ZNF684: variants seen among roughly 807,000 people sequenced by gnomAD.
The protein encoded by ZNF684 is hypothetical protein MGC27466.
ZNF684 carries 13 observed loss-of-function variants against 12.8 expected under a neutral mutation model. The ratio of observed to expected loss-of-function variants is 1.02; its 90% CI spans 0.66 to 1.62. The LOEUF (loss-of-function observed/expected upper bound fraction) is 1.62. ZNF684 is among the 40% of genes most tolerant of loss of function. The pLI is 0.00. For missense variants in ZNF684, 384 were observed against 446.9 expected, an observed-to-expected ratio of 0.86 and a Z score of 1.27; for synonymous variants, 118 against 151.8, an observed-to-expected ratio of 0.78 and a Z score of 1.64.
intron 2 of ZNF684, among the ~76,000 whole-genome samples, chr1:40,538,000 C>T (rs1645994316): frequency 6.6e-6 from 1 of 152,052 alleles, no homozygotes; most frequent in Non-Finnish European, 1.5e-5. Context: ...GCTTCTTTCA[C>T]CCAATACAAT....
At chr1:40,543,863 G>T (rs1436181279) in intron 4 of ZNF684, among the ~76,000 whole-genome samples, 1 of 151,940 alleles carries the variant, frequency 6.6e-6, no homozygotes, top group Non-Finnish European at 1.5e-5. Context: ...TGTAACTCCA[G>T]TCTAAATTAA....
rs546653457 is a variant in ZNF684, at chr1:40,536,541, T to C, written c.15+3360T>C. 1.7e-3 allele frequency among the ~76,000 whole-genome samples: 261 copies of C among 151,334 alleles called. 1 individual carries two copies. The highest frequency in any genetic ancestry group is 6.2e-3 in the African/African-American group (257 of 41,252). ...TTTTTTTTTTTTTATACTTTAAGTT[T>C]TAGGGTACATGTGCACAATGTGCAG... On this transcript the variant is annotated intron_variant, in intron 2 of 4. Coordinates refer to ENST00000372699, the MANE Select transcript of ZNF684 (RefSeq NM_152373.4).
At chr1:40,534,801 T>C (rs1388431340) in intron 2 of ZNF684, among the ~76,000 whole-genome samples, 1 of 151,532 alleles carries the variant, frequency 6.6e-6, no homozygotes, top group Non-Finnish European at 1.5e-5. Flanking sequence ...AAGACCAGCC[T>C]GGGCAATATA....
intron 4 of ZNF684, among the ~76,000 whole-genome samples, chr1:40,542,133 T>A (rs142583926): frequency 6.6e-6 from 1 of 152,356 alleles, no homozygotes; most frequent in East Asian, 1.9e-4. Context: ...GATTATTTTG[T>A]AGCATAATTT....
At chr1:40,543,123 CT>C (rs2124511196) in intron 4 of ZNF684, among the ~76,000 whole-genome samples, 1 of 152,272 alleles carries the variant, frequency 6.6e-6, no homozygotes, top group African/African-American at 2.4e-5. Context: ...CCTGCCTCAG[CT>C]TCCCAAGCAG....
intron 4 of ZNF684, chr1:40,544,583 C>A: frequency 5.1e-6 from 1 of 197,972 alleles, no homozygotes; most frequent in Non-Finnish European, 1.1e-5. Flanking sequence ...ATCTCTTGAC[C>A]TTGTGAGCCA....
intron 2 of ZNF684, among the ~76,000 whole-genome samples, chr1:40,539,973 G>A (rs1646005913): frequency 6.6e-6 from 1 of 151,226 alleles, no homozygotes; most frequent in Non-Finnish European, 1.5e-5. Flanking sequence ...CCCTATTGTT[G>A]AATTTTAAGA....
intron 4 of ZNF684, chr1:40,544,410 C>T (rs549643752): frequency 1.4e-4 from 60 of 422,412 alleles, no homozygotes; most frequent in African/African-American, 6.5e-4. Flanking sequence ...CTCGCTCTGT[C>T]GCCAGGCTGG....
chr1:40,531,663 A>G lies in ZNF684; in HGVS notation c.-149A>G, dbSNP rs754846208. The G allele has an allele frequency of 2.6e-5, 4 of 152,240 alleles. No homozygotes were observed. Among genetic ancestry groups the G allele is most frequent in the Admixed American group, 1.3e-4 (2 of 15,282 alleles). The allele number at this position is 152,240 out of a possible 1,614,324, so 9.4% of individuals were successfully genotyped here. ...CACGCGTAGTAGGACGGTAGCCGGT[A>G]TTCAATCTTCAAATCAGCGCCGCGG... On this transcript the variant is annotated 5_prime_UTR_variant, in exon 1 of 5. Coordinates refer to ENST00000372699, the MANE Select transcript of ZNF684 (RefSeq NM_152373.4).
In ZNF684 at chr1:40,540,588, A is replaced by G; in HGVS notation, c.18A>G (p.Glu6=). Residue 6 remains glutamate, a splice_region_variant and synonymous_variant, in exon 3 of 5, where the codon GAA becomes GAG. Coordinates refer to ENST00000372699, the MANE Select transcript of ZNF684 (RefSeq NM_152373.4). ...TGAAGATAAATGTGCTGTTACAGGAATCAGTGACATTCCAGGATGTGGCTG... is the reference window on the plus strand; with the variant it reads ...TGAAGATAAATGTGCTGTTACAGGAGTCAGTGACATTCCAGGATGTGGCTG... MISFQ[E]SVTFQDVAVD... The G allele has an allele frequency of 3.1e-6, 5 of 1,597,084 alleles. No individual in the cohort carries two copies. Among genetic ancestry groups the G allele is most frequent in the Non-Finnish European group, 4.3e-6 (5 of 1,172,626 alleles).
chr1:40,546,964 C>T lies in ZNF684; in HGVS notation c.641C>T (p.Pro214Leu). 6.2e-7 allele frequency: 1 copy of T among 1,614,002 alleles called. No individual in the cohort carries two copies. Among genetic ancestry groups the T allele is most frequent in the Non-Finnish European group, 8.5e-7 (1 of 1,179,988 alleles). Residue 214 changes from proline to leucine, a missense_variant, in exon 5 of 5, where the codon CCC becomes CTC. Coordinates refer to ENST00000372699, the MANE Select transcript of ZNF684 (RefSeq NM_152373.4). Reference protein sequence around the residue: ...THQKIHNGERPFVCNDCGKAF... With the variant: ...THQKIHNGERLFVCNDCGKAF... Reference sequence around the variant, plus strand: ...CAGAAAATTCATAATGGAGAGAGACCCTTTGTGTGCAATGATTGTGGGAAG... The same window carrying T: ...CAGAAAATTCATAATGGAGAGAGACTCTTTGTGTGCAATGATTGTGGGAAG...
At chr1:40,544,310 T>C (rs531731421) in intron 4 of ZNF684, 1 of 324,812 alleles carries the variant, frequency 3.1e-6, no homozygotes, top group South Asian at 2.3e-5. Context: ...TTTTCCCTGG[T>C]GGTTTAGTGG....
chr1:40,546,998 G>A lies in ZNF684; in HGVS notation c.675G>A (p.Met225Ile). The A allele has an allele frequency of 6.2e-7, 1 of 1,614,110 alleles. No homozygotes were observed. Residue 225 changes from methionine (M) to isoleucine (I), a missense_variant, in exon 5 of 5, where the codon ATG becomes ATA. Transcript: ENST00000372699. ...GCAATGATTGTGGGAAGGCGTTTAT[G>A]CATAAAGCCCAACTCGTGGTCCACC... ...FVCNDCGKAFMHKAQLVVHQR... is the reference protein window; with the variant it reads ...FVCNDCGKAFIHKAQLVVHQR...
At position 40,541,640 on chromosome 1, in the gene ZNF684, G is replaced by A; in HGVS notation, c.168G>A (p.Val56=). 3.1e-6 allele frequency: 5 copies of A among 1,613,278 alleles called. No individual in the cohort carries two copies. Among genetic ancestry groups the A allele is most frequent in the Non-Finnish European group, 4.2e-6 (5 of 1,179,584 alleles). ...GATGTCCAATTACCAAAACAAAAGT[G>A]ATCCTCAAGGTAGAGCAAGGACAAG... ...SVGCPITKTK[V]ILKVEQGQEP... The change falls in exon 4 of 5, where the codon GTG becomes GTA. Residue 56 remains valine, a synonymous_variant. Coordinates refer to ENST00000372699, the MANE Select transcript of ZNF684 (RefSeq NM_152373.4).
In ZNF684 at chr1:40,540,648, T is replaced by C. The variant is rs1646009476; in HGVS notation, c.78T>C (p.Asp26=). 1 of 1,612,696 alleles carries C rather than the reference T, an allele frequency of 6.2e-7. No homozygotes were observed. Among genetic ancestry groups the C allele is most frequent in the African/African-American group, 1.3e-5 (1 of 74,790 alleles). ...CTGCAGAGGAGTGGCAGCTGCTTGATTGTGCTGAGAGAACCCTGTATTGGG... is the reference window on the plus strand; with the variant it reads ...CTGCAGAGGAGTGGCAGCTGCTTGACTGTGCTGAGAGAACCCTGTATTGGG... The part of the protein sequence containing the change: ...DFTAEEWQLL[D]CAERTLYWDV... Residue 26 remains aspartate, a synonymous_variant, in exon 3 of 5, where the codon GAT becomes GAC. Coordinates refer to ENST00000372699, the MANE Select transcript of ZNF684 (RefSeq NM_152373.4).
rs1425631879 is a variant in ZNF684, at chr1:40,536,165, G to A, written c.15+2984G>A. 3.3e-5 allele frequency among the ~76,000 whole-genome samples: 5 copies of A among 151,932 alleles called. No homozygotes were observed. The South Asian group carries it at 8.3e-4, about 25-fold the overall frequency. On this transcript the variant is annotated intron_variant, in intron 2 of 4. Transcript: ENST00000372699. ...TCCCAGCACTTTGGGAGGCTGAGGC[G>A]GGCAGATCACGAGGTCAGGAGATCG... is the stretch of plus-strand genomic sequence containing the variant.
intron 2 of ZNF684, 120 bp from the exon 3 acceptor site, chr1:40,540,466 A>G (rs1646008075): frequency 3.7e-6 from 4 of 1,089,540 alleles, no homozygotes; most frequent in Non-Finnish European, 1.3e-6. Context: ...TGTAATCATT[A>G]TAACTGATTT....
chr1:40,544,430 G>A, intron 4 of ZNF684: 1 of 418,688 alleles, frequency 2.4e-6, no homozygotes, highest in Non-Finnish European at 4.8e-6. Flanking sequence ...GAGTGCAGTG[G>A]CGCAATCTCA....
At position 40,541,005 on chromosome 1, in the gene ZNF684, T is replaced by C. The variant is rs529943891; in HGVS notation, c.142+293T>C. ...CTAGGTGTACCACTGCATTCCAGCC[T>C]GGGTGACAGAGTGAGACCCTATCTC... On this transcript the variant is annotated intron_variant, in intron 3 of 4. Transcript: ENST00000372699. Among the ~76,000 whole-genome samples, 3 of 134,886 alleles carry C rather than the reference T, an allele frequency of 2.2e-5. No individual in the cohort carries two copies. In the East Asian group the frequency reaches 6.8e-4, roughly 31 times the overall value. 88.5% of individuals were successfully genotyped at this position (134,886 alleles called of 152,430 possible).
Sources: gnomAD v4.1 joint callset for allele counts (sites outside exome capture counted in the v4.1 genomes callset) on GRCh38, gnomAD v4.1.1 for gene constraint, MANE v1.5 for transcripts, NCBI Gene and HGNC (gene_info 2026-07-23, HGNC 2026-07-21) for gene names.